The following TEX9 variants were observed in gnomAD, a reference collection of about 807,000 sequenced individuals.
The protein encoded by TEX9 is testis expressed 9.
Under a neutral mutation model 59.6 loss-of-function variants are expected in TEX9, and 74 were observed. The observed-to-expected ratio is 1.24, with a 90% confidence interval of 1.03 to 1.51. The LOEUF is 1.51. Ranked by LOEUF, TEX9 falls within the 40% of genes most tolerant of loss-of-function variation. TEX9 has a pLI of 0.00. For missense variants in TEX9, 522 were observed against 447.8 expected (o/e 1.17, Z -1.49); for synonymous variants, 186 against 152.2 (o/e 1.22, Z -1.64).
intron 12 of TEX9, chr15:56,444,730 T>C: frequency 1.5e-6 from 2 of 1,309,794 alleles, no homozygotes; most frequent in Non-Finnish European, 2.2e-6. Context: ...AGTACGATAG[T>C]ATATTTTACA....
intron 9 of TEX9, among the ~76,000 whole-genome samples, chr15:56,404,810 G>C (rs1464367463): frequency 6.6e-6 from 1 of 152,098 alleles, no homozygotes; most frequent in Non-Finnish European, 1.5e-5. Context: ...CCATAAAAAA[G>C]GGTGAGTTTA....
intron 1 of TEX9, among the ~76,000 whole-genome samples, chr15:56,342,631 A>G (rs1271012382): frequency 1.3e-5 from 2 of 152,200 alleles, no homozygotes; most frequent in East Asian, 1.9e-4. Context: ...GAGTCCCTAC[A>G]CTAAAGAACA....
intron 1 of TEX9, among the ~76,000 whole-genome samples, chr15:56,325,238 TA>T (rs1407283964): frequency 6.6e-6 from 1 of 152,178 alleles, no homozygotes; most frequent in Non-Finnish European, 1.5e-5. Context: ...TAAGAAAGAT[TA>T]AGTCACTTTC....
intron 10 of TEX9, chr15:56,421,773 A>G (rs1299180096): frequency 6.6e-6 from 1 of 151,606 alleles, no homozygotes; most frequent in Admixed American, 6.6e-5. Flanking sequence ...AATTTCATCC[A>G]TGTCCCTACA....
In TEX9 at chr15:56,430,163, T is replaced by C. The variant is rs1349721032; in HGVS notation, c.*29+1690T>C. 3.3e-5 allele frequency: 5 copies of C among 152,110 alleles called. No homozygotes were observed. Among genetic ancestry groups the C allele is most frequent in the African/African-American group, 9.7e-5 (4 of 41,416 alleles). 9.4% of individuals were successfully genotyped at this position (152,110 alleles called of 1,614,324 possible). A position where few individuals can be genotyped will look rare whatever the true frequency, so the allele number is the denominator to read the frequency against. ...CATTTCTATAGCTGAAAGATGGCGA[T>C]CTTATTTATATGAGTCTAGATGTTT... is the stretch of plus-strand genomic sequence containing the variant. On this transcript the variant is annotated intron_variant, in intron 12 of 12. Transcript: ENST00000352903.
chr15:56,330,042 A>C (rs1267120097), intron 1 of TEX9, among the ~76,000 whole-genome samples: 5 of 151,984 alleles, frequency 3.3e-5, no homozygotes, highest in Non-Finnish European at 7.4e-5. Flanking sequence ...AAAAAAAACA[A>C]ACAAACATAG....
chr15:56,244,755 G>T lies in TEX9; in HGVS notation c.-107+477G>T, dbSNP rs551855165. 9.2e-5 allele frequency among the ~76,000 whole-genome samples: 14 copies of T among 152,202 alleles called. No homozygotes were observed. The East Asian group carries it at 2.1e-3, about 23-fold the overall frequency. On this transcript the variant is annotated intron_variant, in intron 1 of 5. Coordinates refer to the TEX9 transcript ENST00000560827. ...TCACAACATGGAGGCTCAGGCGTCA[G>T]CCACGAGCTCCTTCCTTTGGAGCCC...
At chr15:56,260,276 G>A (rs1453838015) in intron 1 of TEX9, among the ~76,000 whole-genome samples, 2 of 152,054 alleles carry the variant, frequency 1.3e-5, no homozygotes, top group Admixed American at 1.3e-4. Flanking sequence ...ATTAATGCAA[G>A]TAATGAAAAT....
At chr15:56,263,933 T>C (rs370506615) in intron 1 of TEX9, among the ~76,000 whole-genome samples, 5 of 152,194 alleles carry the variant, frequency 3.3e-5, no homozygotes, top group East Asian at 1.9e-4. Context: ...AATTTGTCTA[T>C]CCATTCACCA....
intron 1 of TEX9, among the ~76,000 whole-genome samples, chr15:56,247,680 C>T (rs1197256108): frequency 1.3e-5 from 2 of 152,110 alleles, no homozygotes; most frequent in East Asian, 1.9e-4. Context: ...TAGTTAGGAT[C>T]GTTCTATCAA....
chr15:56,366,363 C>T (rs2046943999), intron 2 of TEX9, among the ~76,000 whole-genome samples: 1 of 152,170 alleles, frequency 6.6e-6, no homozygotes, highest in African/African-American at 2.4e-5. Context: ...CCCCTTTTCC[C>T]CCTAAAACTC....
intron 1 of TEX9, among the ~76,000 whole-genome samples, chr15:56,309,693 G>GTTTATT (rs1290352080): frequency 1.2e-4 from 7 of 60,784 alleles, no homozygotes; most frequent in Admixed American, 6.7e-4. Context: ...TTTATGGGAA[G>GTTTATT]TTTTTTTTTT....
At chr15:56,367,642 A>T (rs141080147) in intron 2 of TEX9, among the ~76,000 whole-genome samples, 55 of 152,306 alleles carry the variant, frequency 3.6e-4, no homozygotes, top group African/African-American at 1.3e-3. Context: ...TTACAGATTA[A>T]TTTGTAGAGA....
downstream of TEX9, among the ~76,000 whole-genome samples, chr15:56,448,562 A>C (rs1317959604): frequency 2.0e-5 from 3 of 152,142 alleles, no homozygotes; most frequent in Admixed American, 2.0e-4. Flanking sequence ...CAAAGGACAT[A>C]ATTTCATTGT....
Position 56,343,753 on chromosome 15 carries a change from A to G in TEX9, c.-106-29688A>G, listed in dbSNP as rs182008912. On this transcript the variant is annotated intron_variant, in intron 1 of 5. Coordinates refer to the TEX9 transcript ENST00000560827. Reference sequence around the variant, plus strand: ...TATGTCTATCTGATAAAGACCTTGTATCTAGAATATACAAAAACTCCTACA... The same window carrying G: ...TATGTCTATCTGATAAAGACCTTGTGTCTAGAATATACAAAAACTCCTACA... Among the ~76,000 whole-genome samples the G allele has an allele frequency of 6.6e-5, 10 of 152,274 alleles. No individual in the cohort carries two copies. The East Asian group carries it at 1.7e-3, about 26-fold the overall frequency.
At chr15:56,287,407 G>C (rs868659087) in intron 1 of TEX9, among the ~76,000 whole-genome samples, 6 of 151,948 alleles carry the variant, frequency 3.9e-5, no homozygotes, top group African/African-American at 1.2e-4. Context: ...TATTTTAATA[G>C]ACAAGTGAAA....
chr15:56,287,179 C>A (rs539564809), intron 1 of TEX9, among the ~76,000 whole-genome samples: 1 of 152,152 alleles, frequency 6.6e-6, no homozygotes, highest in East Asian at 1.9e-4. Context: ...AATTAAACTT[C>A]AAGGTGGATG....
intron 1 of TEX9, among the ~76,000 whole-genome samples, chr15:56,357,416 T>C (rs1411219715): frequency 6.6e-6 from 1 of 152,172 alleles, no homozygotes; most frequent in Non-Finnish European, 1.5e-5. Context: ...TCCAGGAATA[T>C]ATTTAAAAAT....
chr15:56,246,384 G>T (rs2043858265), intron 1 of TEX9, among the ~76,000 whole-genome samples: 1 of 152,304 alleles, frequency 6.6e-6, no homozygotes, highest in Admixed American at 6.5e-5. Flanking sequence ...GAGGAAAGGG[G>T]CAGCCCTCAC....
Sources: allele counts gnomAD v4.1 joint callset (sites outside exome capture counted in the v4.1 genomes callset), GRCh38; gene constraint gnomAD v4.1.1; transcripts MANE v1.5; gene names NCBI Gene and HGNC (gene_info 2026-07-23, HGNC 2026-07-21).